CNOT4: variants seen among roughly 807,000 people sequenced by gnomAD.
The protein encoded by CNOT4 is CCR4-associated factor 4.
Under a neutral mutation model 73.8 loss-of-function variants are expected in CNOT4, and 8 were observed. The observed-to-expected ratio is 0.11, with a 90% CI of 0.06 to 0.20. CNOT4 has a LOEUF of 0.20. Among genes scored for constraint, CNOT4 ranks in the 10% least tolerant of loss-of-function variants. The pLI is 1.00. For missense variants in CNOT4, 564 were observed against 883.4 expected (o/e 0.64, Z 4.58); for synonymous variants, 293 against 321.1 (o/e 0.91, Z 0.94).
chr7:135,423,916 T>C (rs1798333127), intron 2 of CNOT4, among the ~76,000 whole-genome samples: 4 of 152,054 alleles, frequency 2.6e-5, no homozygotes, highest in Admixed American at 2.6e-4. Context: ...GGATCAAATA[T>C]AAATTTAGTA....
At chr7:135,365,031 A>G (rs1286339644) in intron 10 of CNOT4, among the ~76,000 whole-genome samples, 1 of 152,240 alleles carries the variant, frequency 6.6e-6, no homozygotes, top group African/African-American at 2.4e-5. Flanking sequence ...GCATAGAAAA[A>G]TATTTCTGAT....
intron 1 of CNOT4, among the ~76,000 whole-genome samples, chr7:135,500,856 T>C (rs1803912622): frequency 6.6e-6 from 1 of 152,250 alleles, no homozygotes; most frequent in Non-Finnish European, 1.5e-5. Flanking sequence ...ATTTCTCTTT[T>C]ACAAATGAAG....
intron 1 of CNOT4, among the ~76,000 whole-genome samples, chr7:135,466,438 C>T (rs957552379): frequency 1.0e-4 from 15 of 146,702 alleles, no homozygotes; most frequent in African/African-American, 3.8e-4. Flanking sequence ...CACACCACTG[C>T]ACTCCATCCA....
At chr7:135,370,026 C>T (rs977943905) in intron 10 of CNOT4, among the ~76,000 whole-genome samples, 1 of 152,182 alleles carries the variant, frequency 6.6e-6, no homozygotes, top group South Asian at 2.1e-4. Flanking sequence ...GAGAAAATGA[C>T]TTCTTAGTAA....
intron 1 of CNOT4, among the ~76,000 whole-genome samples, chr7:135,442,144 G>A (rs1337486429): frequency 2.0e-5 from 3 of 152,032 alleles, no homozygotes; most frequent in Admixed American, 2.0e-4. Flanking sequence ...AAACTTTTAG[G>A]GAATTTCAAG....
intron 10 of CNOT4, among the ~76,000 whole-genome samples, chr7:135,382,422 A>G (rs1421312815): frequency 6.6e-6 from 1 of 152,206 alleles, no homozygotes; most frequent in African/African-American, 2.4e-5. Context: ...GGTTTCACAA[A>G]CATAGTATTC....
chr7:135,479,045 T>C (rs117350477), intron 1 of CNOT4, among the ~76,000 whole-genome samples: 1,897 of 152,210 alleles, frequency 0.012, 26 homozygotes, highest in Non-Finnish European at 0.021. Context: ...TTAATTGACA[T>C]AGAGCCAGTA....
Position 135,404,776 on chromosome 7 carries a change from T to G in CNOT4, c.821+5739A>C, listed in dbSNP as rs981246149. Among the ~76,000 whole-genome samples the G allele has an allele frequency of 3.9e-5, 6 of 152,112 alleles. 1 individual carries two copies. The highest frequency in any genetic ancestry group is 1.4e-4 in the African/African-American group (6 of 41,406). On this transcript the variant is annotated intron_variant, in intron 7 of 11. Transcript: ENST00000541284. ...TCAAATGTAATAAAAATCGATAAAT[T>G]CCTATAAAAGTTTCCCTTTCACCAT...
intron 1 of CNOT4, chr7:135,444,972 C>T: frequency 9.1e-7 from 1 of 1,102,054 alleles, no homozygotes; most frequent in South Asian, 1.3e-5. Flanking sequence ...ATGTAAGCCT[C>T]TTTGCCTCTG....
intron 2 of CNOT4, among the ~76,000 whole-genome samples, chr7:135,428,177 CA>C (rs1412189330): frequency 6.6e-6 from 1 of 152,142 alleles, no homozygotes; most frequent in African/African-American, 2.4e-5. Context: ...TTGGCTAGAC[CA>C]AAAACCTTTA....
intron 1 of CNOT4, among the ~76,000 whole-genome samples, chr7:135,461,301 G>T (rs1244123943): frequency 6.6e-6 from 1 of 151,964 alleles, no homozygotes; most frequent in Non-Finnish European, 1.5e-5. Flanking sequence ...GTGCAAAAAA[G>T]AAATAAGCAA....
chr7:135,435,810 T>C (rs956519328), intron 2 of CNOT4, among the ~76,000 whole-genome samples: 7 of 152,220 alleles, frequency 4.6e-5, no homozygotes, highest in Non-Finnish European at 1.0e-4. Flanking sequence ...ACAGGTAATC[T>C]GCTAGGTATA....
intron 10 of CNOT4, among the ~76,000 whole-genome samples, chr7:135,367,106 G>T (rs1470116161): frequency 1.3e-5 from 2 of 152,076 alleles, no homozygotes; most frequent in Non-Finnish European, 2.9e-5. Context: ...GATGCTAGGG[G>T]TACCAACTCC....
chr7:135,394,294 G>A lies in CNOT4; in HGVS notation c.1251C>T (p.Asp417=). The change falls in exon 10 of 12, where the codon GAC becomes GAT. Residue 417 remains aspartate (D), a synonymous_variant. Transcript: ENST00000541284. ...GAACGGACAGTTCCTTCTCAATCAG[G>A]TCTGCTAAGGCTTTTCGAGTGACAT... The part of the protein sequence containing the change: ...PFDVTRKALA[D]LIEKELSVQD... The A allele has an allele frequency of 6.2e-7, 1 of 1,614,150 alleles. No homozygotes were observed. Among genetic ancestry groups the A allele is most frequent in the South Asian group, 1.1e-5 (1 of 91,084 alleles).
chr7:135,508,494 T>C (rs1333826782), intron 1 of CNOT4, among the ~76,000 whole-genome samples: 3 of 152,254 alleles, frequency 2.0e-5, no homozygotes, highest in Admixed American at 6.5e-5. Context: ...CTTAGGTTTA[T>C]ATAAAAATGT....
chr7:135,387,894 G>A, intron 10 of CNOT4: 1 of 963,640 alleles, frequency 1.0e-6, no homozygotes, highest in Non-Finnish European at 1.2e-6. Context: ...TCTCATTCTG[G>A]TCAGGTACTT....
chr7:135,452,686 T>C (rs1248722585), intron 1 of CNOT4, among the ~76,000 whole-genome samples: 1 of 152,186 alleles, frequency 6.6e-6, no homozygotes, highest in Non-Finnish European at 1.5e-5. Flanking sequence ...ACTTGTATAA[T>C]GAGAAAAACT....
At chr7:135,482,837 T>C (rs1802471003) in intron 1 of CNOT4, among the ~76,000 whole-genome samples, 1 of 151,240 alleles carries the variant, frequency 6.6e-6, no homozygotes, top group South Asian at 2.1e-4. Flanking sequence ...AATACAAAAA[T>C]TAGACAGGCA....
At chr7:135,484,525 T>A (rs541274588) in intron 1 of CNOT4, among the ~76,000 whole-genome samples, 1 of 151,990 alleles carries the variant, frequency 6.6e-6, no homozygotes, top group Admixed American at 6.5e-5. Context: ...GAGAGCTGAG[T>A]CGGGCAGATC....
Sources: gnomAD v4.1 joint callset for allele counts (sites outside exome capture counted in the v4.1 genomes callset) on GRCh38, gnomAD v4.1.1 for gene constraint, MANE v1.5 for transcripts, NCBI Gene and HGNC (gene_info 2026-07-23, HGNC 2026-07-21) for gene names.